CCDC3: variants seen among roughly 807,000 people sequenced by gnomAD.
CCDC3 encodes the protein coiled-coil domain containing 3, also known as coiled-coil domain-containing protein 3.
A neutral mutation model predicts 21.4 loss-of-function variants in CCDC3; 24 were observed. The ratio of observed to expected loss-of-function variants is 1.12; its 90% confidence interval spans 0.81 to 1.58. The LOEUF (loss-of-function observed/expected upper bound fraction) is 1.58, where lower values mean the gene tolerates loss of function less well. Ranked by LOEUF, CCDC3 falls within the 40% of genes most tolerant of loss-of-function variation. The probability of loss-of-function intolerance (pLI) is 0.00; values close to 1 mark genes in which losing one functional copy is unlikely to be tolerated. For missense variants in CCDC3, 425 were observed against 360.9 expected (o/e 1.18, Z -1.44); for synonymous variants, 186 against 166.0 (o/e 1.12, Z -0.93).
At chr10:13,024,523 C>T (rs1290158973) in intron 5 of CCDC3, among the ~76,000 whole-genome samples, 1 of 152,144 alleles carries the variant, frequency 6.6e-6, no homozygotes, top group Admixed American at 6.6e-5. Context: ...CTCCCAGCAC[C>T]CTGCATTGCA....
intron 2 of CCDC3, among the ~76,000 whole-genome samples, chr10:12,996,360 G>T (rs1564313996): frequency 6.6e-6 from 1 of 152,194 alleles, no homozygotes; most frequent in Non-Finnish European, 1.5e-5. Flanking sequence ...CTTTGAGATG[G>T]AGTCTTACTC....
At chr10:13,030,043 A>G (rs1218461690) in intron 5 of CCDC3, among the ~76,000 whole-genome samples, 1 of 152,214 alleles carries the variant, frequency 6.6e-6, no homozygotes, top group Non-Finnish European at 1.5e-5. Context: ...TAATTGTCAG[A>G]TTCACCAAAG....
In CCDC3 at chr10:12,917,189, T is replaced by C. The variant is rs1399324700; in HGVS notation, c.550-18510A>G. Among the ~76,000 whole-genome samples the C allele has an allele frequency of 1.9e-3, 109 of 57,250 alleles. 2 individuals carry two copies. Among genetic ancestry groups the C allele is most frequent in the African/African-American group, 0.011 (102 of 9,094 alleles). 37.6% of individuals were successfully genotyped at this position (57,250 alleles called of 152,430 possible). A position where few individuals can be genotyped will look rare whatever the true frequency, so the allele number is the denominator to read the frequency against. On this transcript the variant is annotated intron_variant, in intron 2 of 2. Transcript: ENST00000378825. ...GTCCTTATTTCTTCTTCTTTTTTTTTTTTTTTTTTTTTTTTTTTTTTTTTG... is the reference window on the plus strand; with the variant it reads ...GTCCTTATTTCTTCTTCTTTTTTTTCTTTTTTTTTTTTTTTTTTTTTTTTG...
At chr10:12,932,195 G>A (rs1162865543) in intron 2 of CCDC3, among the ~76,000 whole-genome samples, 3 of 152,186 alleles carry the variant, frequency 2.0e-5, no homozygotes, top group African/African-American at 7.2e-5. Context: ...AAATGATAAT[G>A]TGTTTTTAAT....
intron 2 of CCDC3, among the ~76,000 whole-genome samples, chr10:12,930,501 G>A (rs1185045266): frequency 1.3e-5 from 2 of 152,160 alleles, no homozygotes; most frequent in African/African-American, 2.4e-5. Context: ...AAGAACACGG[G>A]ATGTCATTTG....
intron 2 of CCDC3, among the ~76,000 whole-genome samples, chr10:12,984,322 C>G (rs1003969729): frequency 1.3e-5 from 2 of 152,176 alleles, no homozygotes; most frequent in Non-Finnish European, 2.9e-5. Flanking sequence ...CATCATGAGT[C>G]ATTAGGGAAA....
chr10:12,912,792 C>T (rs760705027), intron 2 of CCDC3, among the ~76,000 whole-genome samples: 2 of 152,048 alleles, frequency 1.3e-5, no homozygotes, highest in African/African-American at 2.4e-5. Flanking sequence ...TTGTATATGG[C>T]GTGAGATGAG....
chr10:12,911,901 C>A (rs776878849), intron 2 of CCDC3, among the ~76,000 whole-genome samples: 2 of 152,144 alleles, frequency 1.3e-5, no homozygotes, highest in Non-Finnish European at 2.9e-5. Flanking sequence ...TTAATAAGAT[C>A]ATGCAGTACT....
chr10:12,907,465 C>G (rs1406696450), intron 2 of CCDC3, among the ~76,000 whole-genome samples: 1 of 151,998 alleles, frequency 6.6e-6, no homozygotes, highest in Non-Finnish European at 1.5e-5. Flanking sequence ...GCCAACATGG[C>G]AAAACCCCAT....
chr10:12,925,729 C>T (rs1032775953), intron 2 of CCDC3, among the ~76,000 whole-genome samples: 9 of 152,232 alleles, frequency 5.9e-5, no homozygotes, highest in East Asian at 3.8e-4. Flanking sequence ...CTAAGTCCTC[C>T]GTCCCCATGT....
chr10:13,004,945 C>A (rs1244902659), upstream of CCDC3, among the ~76,000 whole-genome samples: 3 of 152,148 alleles, frequency 2.0e-5, no homozygotes, highest in African/African-American at 7.2e-5. Context: ...AATATCTTCA[C>A]ACTTGGTAAC....
chr10:12,952,059 T>C (rs964951526), intron 2 of CCDC3, among the ~76,000 whole-genome samples: 1 of 152,186 alleles, frequency 6.6e-6, no homozygotes, highest in African/African-American at 2.4e-5. Flanking sequence ...AGGTACAGAA[T>C]AGAAATGACT....
At chr10:12,939,623 C>T (rs576254078) in intron 2 of CCDC3, among the ~76,000 whole-genome samples, 139 of 5,280 alleles carry the variant, frequency 0.026, 1 homozygote, top group African/African-American at 0.062. Context: ...ATGGTAGGAG[C>T]GGATCAATTC....
At chr10:12,915,245 AATTT>A (rs1266710569) in intron 2 of CCDC3, among the ~76,000 whole-genome samples, 1 of 152,184 alleles carries the variant, frequency 6.6e-6, no homozygotes, top group East Asian at 1.9e-4. Flanking sequence ...AGAATTTTTA[AATTT>A]ATTATCTATC....
chr10:12,911,104 G>T (rs1476704237), intron 2 of CCDC3, among the ~76,000 whole-genome samples: 1 of 152,154 alleles, frequency 6.6e-6, no homozygotes, highest in African/African-American at 2.4e-5. Flanking sequence ...CCATGACTCT[G>T]CAAGGCAGGT....
chr10:12,946,980 C>CAG (rs1425241428), intron 2 of CCDC3, among the ~76,000 whole-genome samples: 1 of 152,154 alleles, frequency 6.6e-6, no homozygotes, highest in Non-Finnish European at 1.5e-5. Context: ...AAGCAAAAGA[C>CAG]AGAGGCCAGC....
intron 5 of CCDC3, among the ~76,000 whole-genome samples, chr10:13,021,960 A>C (rs1836151796): frequency 6.6e-6 from 1 of 152,048 alleles, no homozygotes; most frequent in African/African-American, 2.4e-5. Flanking sequence ...GGGTTTCACC[A>C]TGTTGGCCAG....
chr10:12,967,310 G>C (rs1480558391), intron 2 of CCDC3, among the ~76,000 whole-genome samples: 1 of 152,110 alleles, frequency 6.6e-6, no homozygotes, highest in Admixed American at 6.5e-5. Flanking sequence ...TCTTTTGGTG[G>C]TGTTATAATC....
intron 5 of CCDC3, among the ~76,000 whole-genome samples, chr10:13,039,238 A>G (rs1836417916): frequency 1.3e-5 from 2 of 152,086 alleles, no homozygotes; most frequent in Non-Finnish European, 2.9e-5. Flanking sequence ...CAACATAGTG[A>G]AACCCCGTTT....
Sources: gnomAD v4.1 joint callset for allele counts (sites outside exome capture counted in the v4.1 genomes callset) on GRCh38, gnomAD v4.1.1 for gene constraint, MANE v1.5 for transcripts, NCBI Gene and HGNC (gene_info 2026-07-23, HGNC 2026-07-21) for gene names.